Variants in CFAP300 observed in about 807,000 individuals in gnomAD.
The protein encoded by CFAP300 is cilia- and flagella-associated protein 300.
Under a neutral mutation model 33.0 loss-of-function variants are expected in CFAP300, and 32 were observed. The observed-to-expected ratio is 0.97, with a 90% CI of 0.73 to 1.30. The LOEUF (loss-of-function observed/expected upper bound fraction) is 1.30. Among genes scored for constraint, CFAP300 ranks in the 50% most tolerant of loss-of-function variants. The pLI, the probability that CFAP300 is intolerant of heterozygous loss-of-function variation, is 0.00. For missense variants in CFAP300, 356 were observed against 318.1 expected (o/e 1.12, Z -0.90); for synonymous variants, 102 against 106.8 (o/e 0.95, Z 0.28).
chr11:102,071,266 C>T (rs1942309143), intron 4 of CFAP300, among the ~76,000 whole-genome samples: 1 of 151,980 alleles, frequency 6.6e-6, no homozygotes, highest in South Asian at 2.1e-4. Context: ...CTGAATTGAC[C>T]CCATTAGCAT....
chr11:102,070,908 AT>A (rs752359360), intron 4 of CFAP300, among the ~76,000 whole-genome samples: 32 of 152,272 alleles, frequency 2.1e-4, no homozygotes, highest in Non-Finnish European at 4.4e-4. Flanking sequence ...GTATGAGAAG[AT>A]ACTTGGTATG....
intron 3 of CFAP300, among the ~76,000 whole-genome samples, chr11:102,060,400 A>T (rs1405862772): frequency 6.6e-6 from 1 of 151,656 alleles, no homozygotes; most frequent in African/African-American, 2.4e-5. Context: ...TATGGGTGTG[A>T]GCCACCGCGC....
chr11:102,057,495 G>A (rs1040747938), intron 2 of CFAP300, among the ~76,000 whole-genome samples: 8 of 151,466 alleles, frequency 5.3e-5, no homozygotes, highest in African/African-American at 1.5e-4. Context: ...TTTAACATAT[G>A]TGTTGCAAAT....
At chr11:102,064,867 C>T (rs1942199633) in intron 3 of CFAP300, among the ~76,000 whole-genome samples, 1 of 151,952 alleles carries the variant, frequency 6.6e-6, no homozygotes, top group Non-Finnish European at 1.5e-5. Flanking sequence ...TTTAATGGGA[C>T]CTCTAGTAGC....
chr11:102,079,212 C>T (rs1942440974), intron 5 of CFAP300, among the ~76,000 whole-genome samples: 1 of 151,780 alleles, frequency 6.6e-6, no homozygotes, highest in Admixed American at 6.6e-5. Flanking sequence ...ATGTTTATAC[C>T]ATATAACCAC....
At chr11:102,050,259 A>G (rs1169340172) in intron 2 of CFAP300, among the ~76,000 whole-genome samples, 2 of 152,184 alleles carry the variant, frequency 1.3e-5, no homozygotes, top group Non-Finnish European at 2.9e-5. Flanking sequence ...ACAATCTGCC[A>G]GGTTTGGTGT....
At chr11:102,079,026 A>G (rs1942438452) in intron 5 of CFAP300, among the ~76,000 whole-genome samples, 2 of 152,188 alleles carry the variant, frequency 1.3e-5, no homozygotes, top group Non-Finnish European at 2.9e-5. Context: ...CTTGTGGTAC[A>G]TGTTTATATG....
intron 6 of CFAP300, 23 bp from the exon 7 acceptor site, chr11:102,083,048 T>C: frequency 1.6e-6 from 2 of 1,258,564 alleles, no homozygotes; most frequent in Middle Eastern, 2.5e-4. Context: ...AAAATAATAA[T>C]AATTTAGGTT....
chr11:102,067,111 A>T (rs1042797115), intron 4 of CFAP300, among the ~76,000 whole-genome samples: 1 of 152,222 alleles, frequency 6.6e-6, no homozygotes, highest in Admixed American at 6.5e-5. Context: ...AGGCTGAGGC[A>T]GGTGGGTGGT....
Position 102,083,092 on chromosome 11 carries a change from C to A in CFAP300, c.697C>A (p.Pro233Thr). Residue 233 changes from proline to threonine, a missense_variant, in exon 7 of 7, where the codon CCT becomes ACT. Transcript: ENST00000434758. ...SAYDSAGMCY[P>T]SAKNHEQTFS... is the part of the protein sequence containing the mutation. Reference sequence around the variant, plus strand: ...TCAGGATTCTGCTGGTATGTGCTATCCTTCAGCAAAGAATCATGAACAGAC... The same window carrying A: ...TCAGGATTCTGCTGGTATGTGCTATACTTCAGCAAAGAATCATGAACAGAC... The A allele has an allele frequency of 6.6e-7, 1 of 1,519,234 alleles. No homozygotes were observed. Among genetic ancestry groups the A allele is most frequent in the Non-Finnish European group, 8.8e-7 (1 of 1,131,018 alleles). 94.1% of individuals were successfully genotyped at this position (1,519,234 alleles called of 1,614,324 possible).
Position 102,047,913 on chromosome 11 carries a change from G to C in CFAP300, c.192+17G>C, listed in dbSNP as rs1591311418. 1 of 1,613,082 alleles carries C rather than the reference G, an allele frequency of 6.2e-7. No individual in the cohort carries two copies. The highest frequency in any genetic ancestry group is 1.3e-5 in the African/African-American group (1 of 75,034). On this transcript the variant is annotated intron_variant, in intron 2 of 6. Coordinates refer to ENST00000434758, the MANE Select transcript of CFAP300 (RefSeq NM_032930.3). ...TTCGTTATGGTTAGTATGGGGGTCG[G>C]AGAGTTCCCTGGGTCTCTGCGGATT...
chr11:102,076,708 TAGG>T (rs1233506838), intron 5 of CFAP300, among the ~76,000 whole-genome samples: 2 of 152,214 alleles, frequency 1.3e-5, no homozygotes, highest in African/African-American at 4.8e-5. Flanking sequence ...TTTACTTTAA[TAGG>T]AGAAAACAAG....
chr11:102,050,575 A>T (rs952343048), intron 2 of CFAP300, among the ~76,000 whole-genome samples: 2 of 152,236 alleles, frequency 1.3e-5, no homozygotes, highest in Admixed American at 1.3e-4. Context: ...ACACAATTAA[A>T]GGGAGGGAAA....
intron 2 of CFAP300, among the ~76,000 whole-genome samples, chr11:102,050,174 T>C (rs908802479): frequency 7.9e-5 from 12 of 152,310 alleles, no homozygotes; most frequent in African/African-American, 2.9e-4. Flanking sequence ...TATTTTTCTA[T>C]AGCAGTAGTG....
At chr11:102,050,624 A>C (rs1439719693) in intron 2 of CFAP300, among the ~76,000 whole-genome samples, 1 of 152,238 alleles carries the variant, frequency 6.6e-6, no homozygotes. Context: ...GTGATAAAAT[A>C]CATACCTGAG....
chr11:102,076,319 C>T (rs988137789), intron 5 of CFAP300, among the ~76,000 whole-genome samples: 1 of 152,174 alleles, frequency 6.6e-6, no homozygotes, highest in Non-Finnish European at 1.5e-5. Context: ...CTGCCATCTT[C>T]CAAGCCTTCT....
intron 2 of CFAP300, among the ~76,000 whole-genome samples, chr11:102,048,865 T>C (rs1941927373): frequency 1.3e-5 from 2 of 152,186 alleles, no homozygotes; most frequent in Admixed American, 1.3e-4. Context: ...GAAGTTATCT[T>C]CATTCTCTGC....
intron 6 of CFAP300, among the ~76,000 whole-genome samples, chr11:102,082,318 G>C (rs1942485348): frequency 6.6e-6 from 1 of 151,884 alleles, no homozygotes; most frequent in Non-Finnish European, 1.5e-5. Context: ...AAAAGTTGCA[G>C]TGAGCTGTGG....
chr11:102,054,452 G>A (rs548506466), intron 2 of CFAP300, among the ~76,000 whole-genome samples: 1 of 152,070 alleles, frequency 6.6e-6, no homozygotes, highest in Non-Finnish European at 1.5e-5. Flanking sequence ...GAGAAGTGAG[G>A]CTGGGCTCGG....
Sources: gnomAD v4.1 joint callset for allele counts (sites outside exome capture counted in the v4.1 genomes callset) on GRCh38, gnomAD v4.1.1 for gene constraint, MANE v1.5 for transcripts, NCBI Gene and HGNC (gene_info 2026-07-23, HGNC 2026-07-21) for gene names.